EGFLAM: variants seen among roughly 807,000 people sequenced by gnomAD.
EGFLAM encodes EGF like, fibronectin type III and laminin G domains.
In EGFLAM, 79 loss-of-function variants were observed where a neutral mutation model predicts 113.1. The observed-to-expected ratio is 0.70, with a 90% CI of 0.58 to 0.84. EGFLAM has a LOEUF of 0.84. EGFLAM is among the 40% of genes least tolerant of loss of function. EGFLAM has a pLI of 0.00. For synonymous variants in EGFLAM, 504 were observed against 487.6 expected (o/e 1.03, Z -0.44); for missense variants, 1,265 against 1,291.6 (o/e 0.98, Z 0.32).
At position 38,439,125 on chromosome 5, in the gene EGFLAM, A is replaced by G. The variant is rs116310846; in HGVS notation, c.2464+670A>G. On this transcript the variant is annotated intron_variant, in intron 17 of 21. Transcript: ENST00000322350. ...GGGCCTGGTAAGTACTCAAGCAACC[A>G]ACAAATACTGGTCATTATTATTCGT... 5.8e-3 allele frequency among the ~76,000 whole-genome samples: 882 copies of G among 152,318 alleles called. 7 individuals are homozygous for G. The highest frequency in any genetic ancestry group is 0.019 in the African/African-American group (807 of 41,556).
intron 1 of EGFLAM, among the ~76,000 whole-genome samples, chr5:38,288,175 T>G (rs758933429): frequency 6.6e-6 from 1 of 152,166 alleles, no homozygotes; most frequent in Non-Finnish European, 1.5e-5. Context: ...AAATGAAAAT[T>G]CACTGCACAG....
chr5:38,295,667 CT>C (rs1207278483), intron 1 of EGFLAM, among the ~76,000 whole-genome samples: 1 of 152,136 alleles, frequency 6.6e-6, no homozygotes, highest in Non-Finnish European at 1.5e-5. Context: ...TTAACTTCCC[CT>C]ATCCTCAAAA....
intron 5 of EGFLAM, among the ~76,000 whole-genome samples, chr5:38,361,820 C>T (rs762695793): frequency 2.6e-5 from 4 of 152,006 alleles, no homozygotes; most frequent in Admixed American, 6.6e-5. Context: ...CTGTAAAATA[C>T]GGATGGTAAT....
intron 3 of EGFLAM, among the ~76,000 whole-genome samples, chr5:38,341,694 A>T (rs1739342252): frequency 6.6e-6 from 1 of 152,224 alleles, no homozygotes; most frequent in Non-Finnish European, 1.5e-5. Context: ...ATATCATATC[A>T]TTCTATAGAT....
chr5:38,401,941 G>A (rs958771677), intron 6 of EGFLAM: 1 of 152,198 alleles, frequency 6.6e-6, no homozygotes, highest in African/African-American at 2.4e-5. Context: ...ACAAGTCTTG[G>A]TGGCTTCTTA....
chr5:38,361,918 T>C (rs1235591975), intron 5 of EGFLAM, among the ~76,000 whole-genome samples: 1 of 152,150 alleles, frequency 6.6e-6, no homozygotes, highest in East Asian at 1.9e-4. Flanking sequence ...ATTTTTTTTT[T>C]TTTAACTTGA....
At chr5:38,393,468 G>T (rs920888293) in intron 6 of EGFLAM, among the ~76,000 whole-genome samples, 1 of 152,084 alleles carries the variant, frequency 6.6e-6, no homozygotes, top group Non-Finnish European at 1.5e-5. Flanking sequence ...CACTCCTCAT[G>T]GCAGGAAGAG....
chr5:38,403,659 G>A (rs1270070700), intron 6 of EGFLAM: 7 of 1,003,946 alleles, frequency 7.0e-6, no homozygotes, highest in Non-Finnish European at 9.8e-6. Flanking sequence ...ATTTCATCGT[G>A]CTACTCAGAA....
At chr5:38,421,428 AC>A (rs1741819472) in intron 12 of EGFLAM, among the ~76,000 whole-genome samples, 5 of 152,198 alleles carry the variant, frequency 3.3e-5, no homozygotes, top group Non-Finnish European at 5.9e-5. Context: ...TCACAGAGCC[AC>A]TTCCCAGGGT....
chr5:38,384,917 G>T (rs1222999931), intron 6 of EGFLAM, among the ~76,000 whole-genome samples: 2 of 152,122 alleles, frequency 1.3e-5, no homozygotes, highest in African/African-American at 4.8e-5. Flanking sequence ...CAACTGGGGG[G>T]AAAGTGCTAC....
intron 1 of EGFLAM, among the ~76,000 whole-genome samples, chr5:38,280,660 T>C (rs764196422): frequency 6.6e-6 from 1 of 152,176 alleles, no homozygotes; most frequent in South Asian, 2.1e-4. Context: ...CAATGTCTTA[T>C]TGGTTCTGGT....
At chr5:38,462,809 A>G in intron 20 of EGFLAM, 99 bp from the exon 21 acceptor site, 3 of 1,315,344 alleles carry the variant, frequency 2.3e-6, no homozygotes, top group South Asian at 1.3e-5. Flanking sequence ...CCTGGCACAT[A>G]GTGTGTCCTT....
chr5:38,342,398 T>C (rs1739359075), intron 3 of EGFLAM, among the ~76,000 whole-genome samples: 1 of 152,220 alleles, frequency 6.6e-6, no homozygotes, highest in Non-Finnish European at 1.5e-5. Flanking sequence ...CAATTACAGA[T>C]TGTGTTTTCA....
intron 6 of EGFLAM, among the ~76,000 whole-genome samples, chr5:38,400,253 TG>T (rs1741071989): frequency 6.6e-6 from 1 of 152,250 alleles, no homozygotes; most frequent in Non-Finnish European, 1.5e-5. Context: ...AGAAAACCTG[TG>T]ATGCCTTTAT....
At chr5:38,446,617 C>G (rs1002189447) in intron 17 of EGFLAM, among the ~76,000 whole-genome samples, 1 of 152,198 alleles carries the variant, frequency 6.6e-6, no homozygotes, top group African/African-American at 2.4e-5. Context: ...CTGCTAGGTC[C>G]TTGCAGCCTC....
chr5:38,412,366 C>A, intron 10 of EGFLAM, 138 bp from the exon 11 acceptor site: 2 of 1,268,040 alleles, frequency 1.6e-6, no homozygotes, highest in Non-Finnish European at 2.2e-6. Context: ...ATTTCAACAG[C>A]ACTTGATATT....
At chr5:38,364,353 T>G (rs751251416) in intron 5 of EGFLAM, among the ~76,000 whole-genome samples, 1 of 152,086 alleles carries the variant, frequency 6.6e-6, no homozygotes, top group Non-Finnish European at 1.5e-5. Context: ...AAAGAAGGCT[T>G]CTTATGGGAG....
intron 3 of EGFLAM, chr5:38,345,283 G>T (rs575567410): frequency 4.6e-5 from 7 of 152,124 alleles, no homozygotes; most frequent in East Asian, 1.9e-4. Context: ...AAATGATGGC[G>T]TACAGAGATT....
intron 1 of EGFLAM, among the ~76,000 whole-genome samples, chr5:38,327,139 A>G (rs927865323): frequency 1.1e-4 from 16 of 152,142 alleles, no homozygotes; most frequent in African/African-American, 4.8e-5. Flanking sequence ...TTTGTTATTG[A>G]CAGCTAAAAG....
Sources: allele counts gnomAD v4.1 joint callset (sites outside exome capture counted in the v4.1 genomes callset), GRCh38; gene constraint gnomAD v4.1.1; transcripts MANE v1.5; gene names NCBI Gene and HGNC (gene_info 2026-07-23, HGNC 2026-07-21).